SORCS3: variants seen among roughly 807,000 people sequenced by gnomAD.
The protein encoded by SORCS3 is VPS10 domain-containing receptor SorCS3.
SORCS3 carries 57 observed loss-of-function variants against 146.3 expected under a neutral mutation model. That is an observed-to-expected ratio of 0.39 (90% CI 0.31 to 0.49). The LOEUF is 0.49. SORCS3 is among the 20% of genes least tolerant of loss of function. The pLI is 0.92. For synonymous variants in SORCS3, 653 were observed against 618.5 expected (o/e 1.06, Z -0.83); for missense variants, 1,341 against 1,575.5 (o/e 0.85, Z 2.52).
In SORCS3 at chr10:104,813,674, C is replaced by T. The variant is rs373102298; in HGVS notation, c.628-29118C>T. On this transcript the variant is annotated intron_variant, in intron 1 of 26. Transcript: ENST00000369701. ...GCCTCTCTTCATGGGTTGGTTGGAGCTGATGGCGCCAAATGAGAAGATCCC... is the reference window on the plus strand; with the variant it reads ...GCCTCTCTTCATGGGTTGGTTGGAGTTGATGGCGCCAAATGAGAAGATCCC... Among the ~76,000 whole-genome samples the T allele has an allele frequency of 2.3e-4, 35 of 152,258 alleles. No homozygotes were observed. The East Asian group carries it at 6.0e-3, about 26-fold the overall frequency.
At chr10:105,052,443 G>C (rs2055419751) in intron 5 of SORCS3, among the ~76,000 whole-genome samples, 1 of 152,162 alleles carries the variant, frequency 6.6e-6, no homozygotes, top group African/African-American at 2.4e-5. Context: ...ATTTCGCTCA[G>C]AAATAGTGAA....
At chr10:105,139,648 C>A (rs2056082090) in intron 8 of SORCS3, among the ~76,000 whole-genome samples, 162 bp downstream of exon 8, 1 of 152,066 alleles carries the variant, frequency 6.6e-6, no homozygotes, top group African/African-American at 2.4e-5. Context: ...TGGTGCACAA[C>A]CTGGATTCTG....
At position 104,937,722 on chromosome 10, in the gene SORCS3, T is replaced by C. The variant is rs545942680; in HGVS notation, c.795+21790T>C. Among the ~76,000 whole-genome samples, 10 of 152,296 alleles carry C rather than the reference T, an allele frequency of 6.6e-5. No homozygotes were observed. In the South Asian group the frequency reaches 1.9e-3, roughly 28 times the overall value. ...CATGGCTGAGTCAATACAAAAAGAATGAGTGAGTCAATTCTTGCTCACCTC... is the reference window on the plus strand; with the variant it reads ...CATGGCTGAGTCAATACAAAAAGAACGAGTGAGTCAATTCTTGCTCACCTC... On this transcript the variant is annotated intron_variant, in intron 3 of 26. Transcript: ENST00000369701.
intron 12 of SORCS3, 83 bp downstream of exon 12, chr10:105,164,462 C>T: frequency 2.0e-6 from 2 of 1,010,124 alleles, no homozygotes; most frequent in South Asian, 2.6e-5. Context: ...AGATTCTCAG[C>T]CTCATTATGA....
chr10:105,002,898 A>T (rs2055070672), intron 4 of SORCS3, among the ~76,000 whole-genome samples: 1 of 152,200 alleles, frequency 6.6e-6, no homozygotes, highest in African/African-American at 2.4e-5. Context: ...TATCATATAG[A>T]GTACTCGCTG....
intron 6 of SORCS3, among the ~76,000 whole-genome samples, chr10:105,090,126 A>C (rs144074715): frequency 6.6e-6 from 1 of 152,184 alleles, no homozygotes; most frequent in Non-Finnish European, 1.5e-5. Flanking sequence ...TTGAAGAGGA[A>C]TGTCCATAAC....
At chr10:104,936,691 G>A (rs1458668571) in intron 3 of SORCS3, among the ~76,000 whole-genome samples, 4 of 152,170 alleles carry the variant, frequency 2.6e-5, no homozygotes, top group East Asian at 1.9e-4. Context: ...AAACAAAGAC[G>A]AATTTAACAA....
At chr10:105,238,044 A>G (rs371070808) in intron 20 of SORCS3, among the ~76,000 whole-genome samples, 27 of 152,202 alleles carry the variant, frequency 1.8e-4, no homozygotes, top group African/African-American at 6.5e-4. Context: ...CAAGGAGATT[A>G]TGTCCCCAAT....
chr10:105,262,548 G>A lies in SORCS3; in HGVS notation c.3604+57G>A, dbSNP rs537801497. On this transcript the variant is annotated intron_variant, in intron 26 of 26. Coordinates refer to ENST00000369701, the MANE Select transcript of SORCS3 (RefSeq NM_014978.3). ...TTCTGTGTCCTCTAAACACTGGCCT[G>A]CTTCATCTGTCCCCCATACATTACT... 2.9e-4 allele frequency: 451 copies of A among 1,540,890 alleles called. 6 individuals carry two copies. The South Asian group carries it at 5.3e-3, about 18-fold the overall frequency.
At chr10:105,142,841 G>A (rs1026951728) in intron 8 of SORCS3, among the ~76,000 whole-genome samples, 1 of 152,048 alleles carries the variant, frequency 6.6e-6, no homozygotes, top group African/African-American at 2.4e-5. Flanking sequence ...GTAGAATATG[G>A]TTAATTCTGT....
chr10:104,800,585 G>C (rs1162218180), intron 1 of SORCS3, among the ~76,000 whole-genome samples: 1 of 152,082 alleles, frequency 6.6e-6, no homozygotes, highest in Non-Finnish European at 1.5e-5. Flanking sequence ...TTGGGGAGGC[G>C]GGTAGGGGGT....
intron 2 of SORCS3, among the ~76,000 whole-genome samples, chr10:104,860,676 G>A (rs138269964): frequency 8.1e-4 from 124 of 152,260 alleles, no homozygotes; most frequent in Non-Finnish European, 1.3e-3. Context: ...TGATCGAAGT[G>A]CTTTACATAT....
intron 19 of SORCS3, among the ~76,000 whole-genome samples, chr10:105,222,822 T>C (rs921630644): frequency 6.6e-6 from 1 of 152,232 alleles, no homozygotes; most frequent in African/African-American, 2.4e-5. Context: ...GCTAAGTGTC[T>C]AGTAAATCAG....
intron 19 of SORCS3, among the ~76,000 whole-genome samples, chr10:105,222,636 A>T (rs1051446871): frequency 1.2e-4 from 19 of 152,208 alleles, no homozygotes; most frequent in Admixed American, 1.2e-3. Flanking sequence ...TTTCTGAATG[A>T]CACCCACTGT....
intron 7 of SORCS3, among the ~76,000 whole-genome samples, chr10:105,123,255 G>A (rs1488945697): frequency 6.6e-6 from 1 of 152,208 alleles, no homozygotes; most frequent in Non-Finnish European, 1.5e-5. Context: ...AAGTTTCAAA[G>A]CAGCGGACTG....
At chr10:105,038,089 G>A (rs1312008405) in intron 4 of SORCS3, among the ~76,000 whole-genome samples, 1 of 152,158 alleles carries the variant, frequency 6.6e-6, no homozygotes, top group Non-Finnish European at 1.5e-5. Flanking sequence ...TAAAAGATAT[G>A]TGGCCATGAC....
At chr10:104,802,895 C>T (rs2017639665) in intron 1 of SORCS3, among the ~76,000 whole-genome samples, 1 of 152,166 alleles carries the variant, frequency 6.6e-6, no homozygotes, top group Non-Finnish European at 1.5e-5. Flanking sequence ...TCATGAAACC[C>T]AGAATGCTGA....
At chr10:104,675,624 C>T (rs1430061680) in intron 1 of SORCS3, among the ~76,000 whole-genome samples, 1 of 152,120 alleles carries the variant, frequency 6.6e-6, no homozygotes. Flanking sequence ...TCCAGATGGC[C>T]CAGCACCATT....
intron 1 of SORCS3, among the ~76,000 whole-genome samples, chr10:104,697,164 A>G (rs984912421): frequency 6.6e-6 from 1 of 152,184 alleles, no homozygotes; most frequent in South Asian, 2.1e-4. Flanking sequence ...GAATAAATAA[A>G]TAAACGATCC....
Sources: gnomAD v4.1 joint callset for allele counts (sites outside exome capture counted in the v4.1 genomes callset) on GRCh38, gnomAD v4.1.1 for gene constraint, MANE v1.5 for transcripts, NCBI Gene and HGNC (gene_info 2026-07-23, HGNC 2026-07-21) for gene names.